The following RPS15A variants were observed in gnomAD, a reference collection of about 807,000 sequenced individuals.
RPS15A encodes the protein ribosomal protein S15a, also known as small ribosomal subunit protein uS8.
For synonymous variants in RPS15A, 55 were observed against 58.5 expected, an observed-to-expected ratio of 0.94 and a Z score of 0.27; for missense variants, 62 against 163.4, an observed-to-expected ratio of 0.38 and a Z score of 3.38.
At chr16:18,787,909 T>C in intron 3 of RPS15A, 154 bp downstream of exon 3, 1 of 625,072 alleles carries the variant, frequency 1.6e-6, no homozygotes, top group African/African-American at 1.8e-5. Flanking sequence ...GGAGAGCAAA[T>C]GAAGTTCCAT....
chr16:18,784,592 T>A (rs1391101278), intron 4 of RPS15A, 146 bp downstream of exon 4: 1 of 662,410 alleles, frequency 1.5e-6, no homozygotes, highest in Non-Finnish European at 2.7e-6. Flanking sequence ...TGGATAACAC[T>A]TGAGCTATTA....
intron 4 of RPS15A, chr16:18,784,459 T>G (rs1004627420): frequency 6.2e-6 from 2 of 321,586 alleles, no homozygotes; most frequent in African/African-American, 4.4e-5. Context: ...TTGGTCAGGG[T>G]GGTCTCGAAC....
At position 18,784,838 on chromosome 16, in the gene RPS15A, C is replaced by A; in HGVS notation, c.214-15G>T. 6.3e-7 allele frequency: 1 copy of A among 1,575,566 alleles called. No individual in the cohort carries two copies. The highest frequency in any genetic ancestry group is 8.6e-7 in the Non-Finnish European group (1 of 1,157,548). On this transcript the variant is annotated splice_polypyrimidine_tract_variant and intron_variant, in intron 3 of 4. Transcript: ENST00000322989. ...ATCACCCCACACTATAAAATAACAA[C>A]AACAACAAAAACATTCTTCACTTTA...
rs1376359045 is a variant in RPS15A at position 18,782,219 on chromosome 16, T to A, written c.*790A>T. 9.3e-6 allele frequency: 1 copy of A among 107,394 alleles called. No individual in the cohort carries two copies. Among genetic ancestry groups the A allele is most frequent in the Admixed American group, 1.1e-4 (1 of 9,154 alleles). The allele number at this position is 107,394 out of a possible 1,614,324, so 6.7% of individuals were successfully genotyped here. On this transcript the variant is annotated 3_prime_UTR_variant, in exon 5 of 5. Coordinates refer to ENST00000322989, the MANE Select transcript of RPS15A (RefSeq NM_001019.5). The stretch of plus-strand genomic sequence containing the variant: ...GGCTGAGGCACGAGAACTACTTGAA[T>A]CTGGGAAGCGGAGGTGCAGTGAGCC...
At chr16:18,783,234 TAC>T in intron 4 of RPS15A, 132 bp from the exon 5 acceptor site, 1 of 618,276 alleles carries the variant, frequency 1.6e-6, no homozygotes, top group Non-Finnish European at 2.9e-6. Context: ...TGACAGTGCC[TAC>T]ATGAGCTGGT....
chr16:18,782,706 A>G lies in RPS15A; in HGVS notation c.*303T>C, dbSNP rs2141856555. On this transcript the variant is annotated 3_prime_UTR_variant, in exon 5 of 5. Transcript: ENST00000322989. ...CACTGCACTCCAGCCTGAGCAATAG[A>G]GTCAGACTCTGTCTCCAAAAAAGAA... The G allele has an allele frequency of 4.6e-6, 1 of 217,340 alleles. No individual in the cohort carries two copies. Among genetic ancestry groups the G allele is most frequent in the African/African-American group, 2.4e-5 (1 of 42,298 alleles). The allele number at this position is 217,340 out of a possible 1,614,324, so 13.5% of individuals were successfully genotyped here.
chr16:18,782,001 TG>T lies in RPS15A; in HGVS notation c.*1007del, dbSNP rs1459854193. The T allele has an allele frequency of 7.4e-6, 1 of 134,734 alleles. No homozygotes were observed. The highest frequency in any genetic ancestry group is 1.6e-5 in the Non-Finnish European group (1 of 62,442). 8.3% of individuals were successfully genotyped at this position (134,734 alleles called of 1,614,324 possible). On this transcript the variant is annotated 3_prime_UTR_variant, in exon 5 of 5. Coordinates refer to ENST00000322989, the MANE Select transcript of RPS15A (RefSeq NM_001019.5). ...ACCTGCAAGTGGCACCAGATTCTCT[TG>T]GAACAATTCTTAAGGCAGGGCGTGG...
chr16:18,783,453 G>T (rs547826466), intron 4 of RPS15A: 5 of 338,488 alleles, frequency 1.5e-5, no homozygotes, highest in South Asian at 7.8e-5. Context: ...ACTTGAGTTT[G>T]AATTGTGTTT....
At chr16:18,789,948 A>C (rs1055327571) in intron 1 of RPS15A, 2 of 152,278 alleles carry the variant, frequency 1.3e-5, no homozygotes, top group Admixed American at 6.5e-5. Context: ...CAGCAGTGAG[A>C]AGCTGCACGG....
At chr16:18,783,562 G>C in intron 4 of RPS15A, 1 of 434,486 alleles carries the variant, frequency 2.3e-6, no homozygotes, top group South Asian at 1.6e-5. Flanking sequence ...ACTGTAACAA[G>C]CATATAGTAT....
At position 18,789,249 on chromosome 16, in the gene RPS15A, C is replaced by A. The variant is rs1007631054; in HGVS notation, c.-5-131G>T. 2.0e-5 allele frequency: 17 copies of A among 847,692 alleles called. No homozygotes were observed. In the African/African-American group the frequency reaches 2.5e-4, roughly 13 times the overall value. 52.5% of individuals were successfully genotyped at this position (847,692 alleles called of 1,614,324 possible). A position where few individuals can be genotyped will look rare whatever the true frequency, so the allele number is the denominator to read the frequency against. On this transcript the variant is annotated intron_variant, in intron 1 of 4. Transcript: ENST00000322989. ...CGAAGTTTTCTCAAGTCTAAGCAGGCTGCTTCTCCATTTCCCACCACCCAG... is the reference window on the plus strand; with the variant it reads ...CGAAGTTTTCTCAAGTCTAAGCAGGATGCTTCTCCATTTCCCACCACCCAG...
rs1170307837 is a variant in RPS15A, at chr16:18,781,688, A to C, written c.*1321T>G. On this transcript the variant is annotated 3_prime_UTR_variant, in exon 5 of 5. Coordinates refer to ENST00000322989, the MANE Select transcript of RPS15A (RefSeq NM_001019.5). Reference sequence around the variant, plus strand: ...AATTACCCACAGCCTCCCAAACATCAGAGGCCCCAAACATGCCTCCCAACT... The same window carrying C: ...AATTACCCACAGCCTCCCAAACATCCGAGGCCCCAAACATGCCTCCCAACT... 6.6e-6 allele frequency: 1 copy of C among 151,404 alleles called. No individual in the cohort carries two copies. The highest frequency in any genetic ancestry group is 2.1e-4 in the South Asian group (1 of 4,792). 9.4% of individuals were successfully genotyped at this position (151,404 alleles called of 1,614,324 possible). A position where few individuals can be genotyped will look rare whatever the true frequency, so the allele number is the denominator to read the frequency against.
rs1000835621 is a variant in RPS15A at position 18,790,275 on chromosome 16, G to T, written c.-37C>A. 13 of 152,338 alleles carry T rather than the reference G, an allele frequency of 8.5e-5. No homozygotes were observed. The highest frequency in any genetic ancestry group is 2.4e-4 in the African/African-American group (10 of 41,438). The allele number at this position is 152,338 out of a possible 1,614,324, so 9.4% of individuals were successfully genotyped here. A position where few individuals can be genotyped will look rare whatever the true frequency, so the allele number is the denominator to read the frequency against. ...TTGCAGGATGGCGCCGATGGCAGAC[G>T]GATGAAATTGGAGCTCTCAGAGAGT... is the stretch of plus-strand genomic sequence containing the variant. On this transcript the variant is annotated 5_prime_UTR_variant, in exon 1 of 5. Transcript: ENST00000322989.
intron 2 of RPS15A, 121 bp from the exon 3 acceptor site, chr16:18,788,263 T>TG: frequency 1.5e-6 from 1 of 679,500 alleles, no homozygotes; most frequent in Non-Finnish European, 2.6e-6. Flanking sequence ...TCCAAAAAGT[T>TG]GGGGGGAAGA....
intron 2 of RPS15A, chr16:18,788,403 A>T (rs2029936364): frequency 2.2e-6 from 1 of 446,038 alleles, no homozygotes; most frequent in African/African-American, 2.0e-5. Flanking sequence ...ACTGCTTCCC[A>T]TTCCCAAAGA....
At chr16:18,784,278 T>A (rs1904012140) in intron 4 of RPS15A, 1 of 149,912 alleles carries the variant, frequency 6.7e-6, no homozygotes, top group Non-Finnish European at 1.5e-5. Flanking sequence ...CGAGACAGAG[T>A]TTCACTCGTT....
At chr16:18,785,002 G>C in intron 3 of RPS15A, 179 bp from the exon 4 acceptor site, 1 of 533,790 alleles carries the variant, frequency 1.9e-6, no homozygotes, top group East Asian at 3.3e-5. Context: ...ACCTAAGTAA[G>C]ACTACGCCTG....
chr16:18,787,671 A>G (rs1014502777), intron 3 of RPS15A, among the ~76,000 whole-genome samples: 1 of 152,252 alleles, frequency 6.6e-6, no homozygotes, highest in Non-Finnish European at 1.5e-5. Flanking sequence ...TTACTCAAAG[A>G]TAAAGATTCC....
At chr16:18,786,459 T>C in intron 3 of RPS15A, 1 of 154,894 alleles carries the variant, frequency 6.5e-6, no homozygotes, top group Middle Eastern at 5.4e-4. Context: ...CACAAATAAG[T>C]TCCATTTACA....
Sources: allele counts gnomAD v4.1 joint callset (sites outside exome capture counted in the v4.1 genomes callset), GRCh38; gene constraint gnomAD v4.1.1; transcripts MANE v1.5; gene names NCBI Gene and HGNC (gene_info 2026-07-23, HGNC 2026-07-21).